Variants in CCDC192 observed in about 807,000 individuals in gnomAD.
The protein encoded by CCDC192 is coiled-coil domain containing 192.
chr5:127,754,486 CACACACAT>C (rs1490568897), intron 3 of CCDC192, 111 bp downstream of exon 3: 5 of 358,638 alleles, frequency 1.4e-5, no homozygotes, highest in Middle Eastern at 6.9e-4. Flanking sequence ...CACACACACA[CACACACAT>C]ACACACACAC....
intron 2 of CCDC192, among the ~76,000 whole-genome samples, chr5:127,719,650 C>T (rs1751892122): frequency 6.7e-6 from 1 of 150,304 alleles, no homozygotes; most frequent in Admixed American, 6.7e-5. Flanking sequence ...TTAGTCCATT[C>T]TCACATTGCT....
intron 2 of CCDC192, among the ~76,000 whole-genome samples, chr5:127,752,453 G>A (rs1239806603): frequency 6.6e-6 from 1 of 152,218 alleles, no homozygotes; most frequent in African/African-American, 2.4e-5. Flanking sequence ...ACCCACTTGA[G>A]GAGGCAGTCT....
intron 3 of CCDC192, among the ~76,000 whole-genome samples, chr5:127,787,959 G>A (rs1330820135): frequency 9.2e-5 from 14 of 151,970 alleles, no homozygotes; most frequent in Middle Eastern, 3.4e-3. Flanking sequence ...ATGCATGCCT[G>A]TAATCCCAGC....
chr5:127,710,358 T>G (rs1751253350), intron 2 of CCDC192, among the ~76,000 whole-genome samples: 1 of 151,992 alleles, frequency 6.6e-6, no homozygotes, highest in South Asian at 2.1e-4. Context: ...ATAATTGCTT[T>G]TAGTTTTGGT....
intron 6 of CCDC192, among the ~76,000 whole-genome samples, chr5:127,926,196 A>G (rs1753858844): frequency 2.0e-5 from 3 of 152,222 alleles, no homozygotes; most frequent in South Asian, 2.1e-4. Context: ...CTATTGTTAC[A>G]GGTGCATACT....
chr5:127,819,782 A>G (rs1403504184), intron 5 of CCDC192, among the ~76,000 whole-genome samples: 2 of 152,186 alleles, frequency 1.3e-5, no homozygotes, highest in Non-Finnish European at 2.9e-5. Flanking sequence ...GGGAGATTCA[A>G]TAGCAGGTCC....
intron 2 of CCDC192, among the ~76,000 whole-genome samples, chr5:127,751,825 T>G (rs1754193256): frequency 6.6e-6 from 1 of 152,132 alleles, no homozygotes; most frequent in Admixed American, 6.5e-5. Flanking sequence ...TTTGTATTCT[T>G]TTTTCTCTAA....
intron 3 of CCDC192, among the ~76,000 whole-genome samples, chr5:127,790,465 C>T (rs1278563122): frequency 2.6e-5 from 4 of 151,966 alleles, no homozygotes; most frequent in African/African-American, 9.7e-5. Context: ...TGTATTGGAA[C>T]ATTAATATTT....
rs558949181 is a variant in CCDC192, at chr5:127,803,716, CT to C, written c.411+5555del. 3.3e-3 allele frequency among the ~76,000 whole-genome samples: 496 copies of C among 152,272 alleles called. 5 individuals carry two copies. Among genetic ancestry groups the C allele is most frequent in the Admixed American group, 7.3e-3 (112 of 15,296 alleles). On this transcript the variant is annotated intron_variant, in intron 5 of 6. Coordinates refer to ENST00000514853, the MANE Select transcript of CCDC192 (RefSeq NM_001317938.2). ...ACCTCCATCCCAACGGCCATCCCAT[CT>C]CTCAGTTTCCAGCCACCCACAAGAC...
chr5:127,939,818 T>G (rs766865781), intron 6 of CCDC192, among the ~76,000 whole-genome samples: 1 of 152,184 alleles, frequency 6.6e-6, no homozygotes, highest in Non-Finnish European at 1.5e-5. Context: ...GGTGAAGCTG[T>G]GAGATTTGTT....
chr5:127,910,952 TAAA>T (rs528437216), intron 6 of CCDC192, among the ~76,000 whole-genome samples: 12 of 148,640 alleles, frequency 8.1e-5, no homozygotes, highest in Non-Finnish European at 1.8e-4. Flanking sequence ...TTATTAGACA[TAAA>T]AAAAAAACTT....
At chr5:127,719,683 G>A (rs1439522906) in intron 2 of CCDC192, among the ~76,000 whole-genome samples, 3 of 151,110 alleles carry the variant, frequency 2.0e-5, no homozygotes, top group Non-Finnish European at 4.4e-5. Flanking sequence ...CTGAGACTGG[G>A]TAATTTATAA....
At chr5:127,937,998 C>T (rs554267924) in intron 6 of CCDC192, among the ~76,000 whole-genome samples, 3 of 151,990 alleles carry the variant, frequency 2.0e-5, no homozygotes, top group African/African-American at 7.3e-5. Context: ...CAATGCACCC[C>T]CCTCCACCCC....
chr5:127,910,962 AC>A (rs985823120), intron 6 of CCDC192, among the ~76,000 whole-genome samples: 78 of 152,242 alleles, frequency 5.1e-4, no homozygotes, highest in African/African-American at 1.8e-3. Flanking sequence ...TAAAAAAAAA[AC>A]TTCCTCTGAA....
intron 5 of CCDC192, among the ~76,000 whole-genome samples, chr5:127,833,712 C>A (rs1341517339): frequency 6.6e-6 from 1 of 152,068 alleles, no homozygotes; most frequent in Non-Finnish European, 1.5e-5. Context: ...GAATAGAAAA[C>A]CTATATTTTC....
At chr5:127,934,091 G>A (rs531554441) in intron 6 of CCDC192, among the ~76,000 whole-genome samples, 12 of 152,276 alleles carry the variant, frequency 7.9e-5, no homozygotes, top group Admixed American at 2.6e-4. Flanking sequence ...CCTTTTCACT[G>A]GGTGTTCTAC....
intron 5 of CCDC192, among the ~76,000 whole-genome samples, chr5:127,799,343 C>A (rs1319090698): frequency 6.6e-6 from 1 of 152,132 alleles, no homozygotes; most frequent in Non-Finnish European, 1.5e-5. Flanking sequence ...AATTCAGAAT[C>A]TTTTTTGGGC....
intron 3 of CCDC192, among the ~76,000 whole-genome samples, chr5:127,765,939 C>T (rs1755198893): frequency 1.3e-5 from 2 of 152,318 alleles, no homozygotes; most frequent in East Asian, 1.9e-4. Flanking sequence ...TGCGTCTAAG[C>T]TCCCTGAGTC....
At chr5:127,727,496 G>T (rs913838969) in intron 2 of CCDC192, among the ~76,000 whole-genome samples, 3 of 151,510 alleles carry the variant, frequency 2.0e-5, no homozygotes, top group African/African-American at 7.3e-5. Context: ...AAAATCAAAA[G>T]AAAAGAAAAA....
Sources: gnomAD v4.1 joint callset for allele counts (sites outside exome capture counted in the v4.1 genomes callset) on GRCh38, gnomAD v4.1.1 for gene constraint, MANE v1.5 for transcripts, NCBI Gene and HGNC (gene_info 2026-07-23, HGNC 2026-07-21) for gene names.